The following SLC34A2 variants were observed in gnomAD, a reference collection of about 807,000 sequenced individuals.
SLC34A2 encodes the protein sodium-dependent phosphate transport protein 2B.
SLC34A2 carries 41 observed loss-of-function variants against 50.8 expected under a neutral mutation model. That is an observed-to-expected ratio of 0.81 (90% CI 0.63 to 1.05). The LOEUF is 1.05. Among genes scored for constraint, SLC34A2 ranks in the 50% least tolerant of loss-of-function variants. The probability of loss-of-function intolerance (pLI) is 0.00; values close to 1 mark genes in which losing one functional copy is unlikely to be tolerated. For synonymous variants in SLC34A2, 401 were observed against 364.2 expected (o/e 1.10, Z -1.15); for missense variants, 879 against 876.7 (o/e 1.00, Z -0.03).
Position 25,664,266 on chromosome 4 carries a change from C to T in SLC34A2, c.315C>T (p.Leu105=), listed in dbSNP as rs374518970. Residue 105 remains leucine, a synonymous_variant, in exon 4 of 13, where the codon CTC becomes CTT. Coordinates refer to ENST00000382051, the MANE Select transcript of SLC34A2 (RefSeq NM_006424.3). Reference sequence around the variant, plus strand: ...GGATTGGGAGATTGATTTTACTTCTCGGATTTCTCTACTTTTTCGTGTGCT... The same window carrying T: ...GGATTGGGAGATTGATTTTACTTCTTGGATTTCTCTACTTTTTCGTGTGCT... ...FQGIGRLILL[L]GFLYFFVCSL... 5 of 1,612,228 alleles carry T rather than the reference C, an allele frequency of 3.1e-6. No individual in the cohort carries two copies. Among genetic ancestry groups the T allele is most frequent in the East Asian group, 2.2e-5 (1 of 44,786 alleles).
intron 1 of SLC34A2, among the ~76,000 whole-genome samples, chr4:25,656,131 C>T (rs1484214728): frequency 7.2e-5 from 11 of 152,192 alleles, no homozygotes; most frequent in African/African-American, 2.7e-4. Context: ...ATTAATCAGC[C>T]ACACTTGTGG....
At chr4:25,671,757 G>T in intron 9 of SLC34A2, 36 bp downstream of exon 9, 1 of 1,614,032 alleles carries the variant, frequency 6.2e-7, no homozygotes, top group Non-Finnish European at 8.5e-7. Flanking sequence ...ACTATGACAG[G>T]TGTTGTCTGG....
At chr4:25,656,994 G>C (rs79416121) in intron 1 of SLC34A2, among the ~76,000 whole-genome samples, 5,021 of 152,110 alleles carry the variant, frequency 0.033, 345 homozygotes, top group East Asian at 0.32. Flanking sequence ...GATTGTTAAA[G>C]AAAAACAAAA....
chr4:25,664,382 G>A lies in SLC34A2; in HGVS notation c.379+52G>A, dbSNP rs370561738. The stretch of plus-strand genomic sequence containing the variant: ...CGGGTGAGGGGCATTATCTTGAAAT[G>A]TGGTTCCGAGAGTAAAACTCAGCAA... On this transcript the variant is annotated intron_variant, in intron 4 of 12. Transcript: ENST00000382051. 2.5e-6 allele frequency: 4 copies of A among 1,607,914 alleles called. No individual in the cohort carries two copies. The African/African-American group carries it at 4.0e-5, about 16-fold the overall frequency.
Position 25,662,563 on chromosome 4 carries a change from C to A in SLC34A2, c.63C>A (p.Ala21=), listed in dbSNP as rs147100505. ...ACCCCGATAAGTACCTCGAAGGGGCCGCAGGTCAGCAGCCCACTGCCCCTG... is the reference window on the plus strand; with the variant it reads ...ACCCCGATAAGTACCTCGAAGGGGCAGCAGGTCAGCAGCCCACTGCCCCTG... ...QPNPDKYLEG[A]AGQQPTAPDK... is the part of the protein sequence containing the mutation. The change falls in exon 2 of 13, where the codon GCC becomes GCA. Residue 21 remains alanine (A), a synonymous_variant. Coordinates refer to ENST00000382051, the MANE Select transcript of SLC34A2 (RefSeq NM_006424.3). 4.5e-5 allele frequency: 73 copies of A among 1,613,922 alleles called. No individual in the cohort carries two copies. The highest frequency in any genetic ancestry group is 6.0e-5 in the Non-Finnish European group (71 of 1,180,028).
At chr4:25,666,354 C>T (rs1714504483) in intron 5 of SLC34A2, 83 bp downstream of exon 5, 2 of 1,490,566 alleles carry the variant, frequency 1.3e-6, no homozygotes, top group African/African-American at 2.7e-5. Flanking sequence ...GGGAGGAATT[C>T]ACTCTGAATA....
rs1362810253 is a variant in SLC34A2 at position 25,677,194 on chromosome 4, G to A, written c.*445G>A. On this transcript the variant is annotated 3_prime_UTR_variant, in exon 13 of 13. Coordinates refer to ENST00000382051, the MANE Select transcript of SLC34A2 (RefSeq NM_006424.3). ...GGCCTCTCCCTTTTTTTAAACCAAAGTCTGGCAACCAAGAGCAGCAGCTCC... is the reference window on the plus strand; with the variant it reads ...GGCCTCTCCCTTTTTTTAAACCAAAATCTGGCAACCAAGAGCAGCAGCTCC... The A allele has an allele frequency of 5.7e-6, 1 of 175,420 alleles. No individual in the cohort carries two copies. The highest frequency in any genetic ancestry group is 1.2e-5 in the Non-Finnish European group (1 of 80,358). The allele number at this position is 175,420 out of a possible 1,614,324, so 10.9% of individuals were successfully genotyped here.
chr4:25,666,308 G>C (rs1192565227), intron 5 of SLC34A2, 37 bp downstream of exon 5: 18 of 1,611,226 alleles, frequency 1.1e-5, no homozygotes, highest in Non-Finnish European at 1.4e-5. Flanking sequence ...CTGCATTCCA[G>C]ACACTCTCCT....
Position 25,670,798 on chromosome 4 carries a change from C to T in SLC34A2, c.892C>T (p.Leu298Phe). The change falls in exon 8 of 13, where the codon CTT (leucine) becomes TTT (phenylalanine). Residue 298 changes from leucine (L) to phenylalanine (F), a missense_variant. Leu to Phe is a conservative substitution (Grantham distance 22). Coordinates refer to ENST00000382051, the MANE Select transcript of SLC34A2 (RefSeq NM_006424.3). ...CGATGAAAAAGCGAAAAACAAGAGT[C>T]TTGTCAAGATTTGGTGCAAAACTTT... ...MNDEKAKNKS[L>F]VKIWCKTFTN... The T allele has an allele frequency of 6.2e-7, 1 of 1,614,066 alleles. No individual in the cohort carries two copies. Among genetic ancestry groups the T allele is most frequent in the Non-Finnish European group, 8.5e-7 (1 of 1,179,920 alleles).
chr4:25,665,430 A>G (rs1377269988), intron 4 of SLC34A2, among the ~76,000 whole-genome samples: 1 of 151,936 alleles, frequency 6.6e-6, no homozygotes, highest in Non-Finnish European at 1.5e-5. Context: ...CGCCTCCCGA[A>G]GTGCTGGGAT....
intron 4 of SLC34A2, chr4:25,665,066 TG>T: frequency 4.4e-6 from 1 of 224,832 alleles, no homozygotes; most frequent in East Asian, 6.4e-5. Flanking sequence ...CTGCAACCCT[TG>T]GTGCCTTTCT....
intron 4 of SLC34A2, chr4:25,665,163 C>CT (rs10676891): frequency 0.066 from 8,395 of 127,212 alleles, 503 homozygotes; most frequent in East Asian, 0.25. Flanking sequence ...CTGGACATTG[C>CT]TTTTTTTTTT....
chr4:25,674,683 C>G lies in SLC34A2; in HGVS notation c.1458+54C>G, dbSNP rs112701996. 1.1e-5 allele frequency: 18 copies of G among 1,607,676 alleles called. No individual in the cohort carries two copies. The African/African-American group carries it at 2.4e-4, about 21-fold the overall frequency. On this transcript the variant is annotated intron_variant, in intron 12 of 12. Transcript: ENST00000382051. Reference sequence around the variant, plus strand: ...CCCTGGGAGTGGGACCACCCATGGTCTTGCAAACTGGTCTCTAACAAGAGC... The same window carrying G: ...CCCTGGGAGTGGGACCACCCATGGTGTTGCAAACTGGTCTCTAACAAGAGC...
chr4:25,669,911 C>CAGATATA, intron 7 of SLC34A2, 69 bp downstream of exon 7: 1 of 1,335,592 alleles, frequency 7.5e-7, no homozygotes, highest in South Asian at 1.2e-5. Flanking sequence ...CCTGAGCTGA[C>CAGATATA]AGATATAGAG....
chr4:25,664,889 AC>A (rs1714406442), intron 4 of SLC34A2: 1 of 232,562 alleles, frequency 4.3e-6, no homozygotes, highest in East Asian at 6.1e-5. Flanking sequence ...AACAAGCAGC[AC>A]TCCGTCTACT....
intron 5 of SLC34A2, among the ~76,000 whole-genome samples, chr4:25,666,711 GA>G (rs1434867231): frequency 6.6e-6 from 1 of 152,186 alleles, no homozygotes; most frequent in Non-Finnish European, 1.5e-5. Context: ...CTTCACTGCA[GA>G]AAGTTAGTTC....
intron 4 of SLC34A2, chr4:25,665,244 G>A (rs1488334137): frequency 1.2e-5 from 2 of 170,924 alleles, no homozygotes; most frequent in Non-Finnish European, 2.4e-5. Flanking sequence ...TCAGCTCACC[G>A]CGACCTCCAC....
rs67542457 is a variant in SLC34A2, at chr4:25,678,687, A to ATTTTT, written c.*1953_*1957dup. 1.5e-5 allele frequency: 5 copies of ATTTTT among 323,686 alleles called. No individual in the cohort carries two copies. Among genetic ancestry groups the ATTTTT allele is most frequent in the African/African-American group, 6.8e-5 (3 of 43,962 alleles). 20.1% of individuals were successfully genotyped at this position (323,686 alleles called of 1,614,324 possible). ...TGAGCCACCACCAGGCCTGATTGTAATTTTTTTTTTTTTTTTTTTACTGGT... is the reference window on the plus strand; with the variant it reads ...TGAGCCACCACCAGGCCTGATTGTAATTTTTTTTTTTTTTTTTTTTTTTTACTGGT... On this transcript the variant is annotated 3_prime_UTR_variant, in exon 13 of 13. Transcript: ENST00000382051.
chr4:25,675,972 G>C (rs1432303460), intron 12 of SLC34A2, among the ~76,000 whole-genome samples, 163 bp from the exon 13 acceptor site: 2 of 152,184 alleles, frequency 1.3e-5, no homozygotes, highest in African/African-American at 4.8e-5. Flanking sequence ...GGTCCTCATG[G>C]AATCCAGGTA....
Sources: gnomAD v4.1 joint callset for allele counts (sites outside exome capture counted in the v4.1 genomes callset) on GRCh38, gnomAD v4.1.1 for gene constraint, MANE v1.5 for transcripts, NCBI Gene and HGNC (gene_info 2026-07-23, HGNC 2026-07-21) for gene names.